The following TMEM167B variants were observed in gnomAD, a reference collection of about 807,000 sequenced individuals.
The protein encoded by TMEM167B is protein kish-B.
Under a neutral mutation model 9.4 loss-of-function variants are expected in TMEM167B, and 2 were observed. That is an observed-to-expected ratio of 0.21 (90% CI 0.09 to 0.67). TMEM167B has a LOEUF of 0.67. Ranked by LOEUF, TMEM167B falls within the 30% of genes least tolerant of loss-of-function variation. The probability of loss-of-function intolerance (pLI) is 0.82; values close to 1 mark genes in which losing one functional copy is unlikely to be tolerated. For missense variants in TMEM167B, 68 were observed against 87.6 expected (o/e 0.78, Z 0.89); for synonymous variants, 28 against 32.0 (o/e 0.87, Z 0.42).
chr1:109,093,096 T>G, intron 2 of TMEM167B, 75 bp downstream of exon 2: 1 of 1,555,046 alleles, frequency 6.4e-7, no homozygotes, highest in Non-Finnish European at 8.7e-7. Flanking sequence ...GGGAGTACAG[T>G]GAGCTGGGAT....
chr1:109,094,467 G>A lies in TMEM167B; in HGVS notation c.193G>A (p.Val65Ile). The change falls in exon 3 of 3, where the codon GTA becomes ATA. Residue 65 changes from valine to isoleucine, a missense_variant. Transcript: ENST00000338272. ...TGCTGCTGTGGCAATTGCTTGTGTT[G>A]TAATGGCCTTTTACGTCCTGTTTAT... ...LHAAVAIACV[V>I]MAFYVLFIK 6.2e-7 allele frequency: 1 copy of A among 1,614,030 alleles called. No individual in the cohort carries two copies. The highest frequency in any genetic ancestry group is 1.3e-5 in the African/African-American group (1 of 75,046).
In TMEM167B at chr1:109,094,447, C is replaced by A. The variant is rs1664521276; in HGVS notation, c.173C>A (p.Ala58Asp). Residue 58 changes from alanine to aspartate, a missense_variant, in exon 3 of 3, where the codon GCT becomes GAT. Physicochemically the swap from Ala to Asp is moderately radical, Grantham distance 126. Transcript: ENST00000338272. ...AAVIGTRLHA[A>D]VAIACVVMAF... ...GTGATTGGAACCAGGCTGCATGCTG[C>A]TGTGGCAATTGCTTGTGTTGTAATG... 1 of 1,613,998 alleles carries A rather than the reference C, an allele frequency of 6.2e-7. No homozygotes were observed. The highest frequency in any genetic ancestry group is 8.5e-7 in the Non-Finnish European group (1 of 1,180,038).
chr1:109,093,138 C>T (rs1255631939), intron 2 of TMEM167B, 117 bp downstream of exon 2: 20 of 1,401,164 alleles, frequency 1.4e-5, no homozygotes, highest in Non-Finnish European at 1.7e-5. Context: ...AAAAAAATCC[C>T]TCCGATTGGG....
At chr1:109,092,037 C>T (rs1262858217) in intron 1 of TMEM167B, among the ~76,000 whole-genome samples, 5 of 152,140 alleles carry the variant, frequency 3.3e-5, no homozygotes, top group African/African-American at 9.7e-5. Context: ...GTCATTCTTC[C>T]CCCATTTTGT....
chr1:109,091,559 T>G (rs1456927951), intron 1 of TMEM167B: 2 of 152,220 alleles, frequency 1.3e-5, no homozygotes. Flanking sequence ...TTCATGATTT[T>G]TAGTGTCAAC....
Position 109,090,786 on chromosome 1 carries a change from T to TC in TMEM167B, c.-86dup. 3 of 1,509,944 alleles carry TC rather than the reference T, an allele frequency of 2.0e-6. No individual in the cohort carries two copies. The highest frequency in any genetic ancestry group is 2.7e-6 in the Non-Finnish European group (3 of 1,108,896). The allele number at this position is 1,509,944 out of a possible 1,614,324, so 93.5% of individuals were successfully genotyped here. ...CTTCTTCCAGTCACCTCGGCCCGGA[T>TC]CGGGAAGTGTCAAGCGGGCGCTCCC... On this transcript the variant is annotated 5_prime_UTR_variant, in exon 1 of 3. Transcript: ENST00000338272.
intron 2 of TMEM167B, 54 bp downstream of exon 2, chr1:109,093,075 G>A (rs1044777273): frequency 1.2e-6 from 2 of 1,606,074 alleles, no homozygotes; most frequent in Non-Finnish European, 1.7e-6. Flanking sequence ...ACAGTGTGGA[G>A]CTACAAAGTA....
chr1:109,095,730 T>G lies in TMEM167B; in HGVS notation c.*1231T>G. 1 of 152,218 alleles carries G rather than the reference T, an allele frequency of 6.6e-6. No individual in the cohort carries two copies. The highest frequency in any genetic ancestry group is 1.9e-4 in the East Asian group (1 of 5,198). The allele number at this position is 152,218 out of a possible 1,614,324, so 9.4% of individuals were successfully genotyped here. A position where few individuals can be genotyped will look rare whatever the true frequency, so the allele number is the denominator to read the frequency against. On this transcript the variant is annotated 3_prime_UTR_variant, in exon 3 of 3. Transcript: ENST00000338272. ...ATAGGGTCCACAAATCAAATGAGGTTGTTTCCTGAAGTAGAAGAAAACAGA... is the reference window on the plus strand; with the variant it reads ...ATAGGGTCCACAAATCAAATGAGGTGGTTTCCTGAAGTAGAAGAAAACAGA...
intron 1 of TMEM167B, among the ~76,000 whole-genome samples, chr1:109,092,598 G>A (rs1363125940): frequency 6.6e-6 from 1 of 151,950 alleles, no homozygotes; most frequent in Non-Finnish European, 1.5e-5. Context: ...TTGAGTTGGG[G>A]TCTCACTCTG....
intron 1 of TMEM167B, among the ~76,000 whole-genome samples, chr1:109,092,061 CTTG>C (rs1664462465): frequency 6.6e-6 from 1 of 152,120 alleles, no homozygotes; most frequent in Admixed American, 6.5e-5. Context: ...CCAATATCTT[CTTG>C]TTTTTTGCAA....
rs1299785294 is a variant in TMEM167B, at chr1:109,096,344, A to G, written c.*1845A>G. On this transcript the variant is annotated 3_prime_UTR_variant, in exon 3 of 3. Transcript: ENST00000338272. The stretch of plus-strand genomic sequence containing the variant: ...GTGTGAGTTTGGGACCTGTTGGCAG[A>G]AGGGAATGTCACTCCCTGGAAACAG... 2.6e-5 allele frequency: 4 copies of G among 152,246 alleles called. No homozygotes were observed. The highest frequency in any genetic ancestry group is 4.8e-5 in the African/African-American group (2 of 41,478). 9.4% of individuals were successfully genotyped at this position (152,246 alleles called of 1,614,324 possible).
chr1:109,090,772 C>G lies in TMEM167B; in HGVS notation c.-101C>G, dbSNP rs902928725. 2.1e-6 allele frequency: 3 copies of G among 1,451,932 alleles called. No individual in the cohort carries two copies. The African/African-American group carries it at 4.2e-5, about 20-fold the overall frequency. The allele number at this position is 1,451,932 out of a possible 1,614,324, so 89.9% of individuals were successfully genotyped here. ...CCTGCGTACTACGGCTTCTTCCAGT[C>G]ACCTCGGCCCGGATCGGGAAGTGTC... On this transcript the variant is annotated 5_prime_UTR_variant, in exon 1 of 3. Coordinates refer to ENST00000338272, the MANE Select transcript of TMEM167B (RefSeq NM_020141.4).
rs1413135235 is a variant in TMEM167B at position 109,095,592 on chromosome 1, T to G, written c.*1093T>G. On this transcript the variant is annotated 3_prime_UTR_variant, in exon 3 of 3. Coordinates refer to ENST00000338272, the MANE Select transcript of TMEM167B (RefSeq NM_020141.4). ...TATTTTTCTTAGCCAAATTTTAATT[T>G]TCTTCATATTGCATTGCTCTTTAGT... The G allele has an allele frequency of 6.6e-6, 1 of 152,228 alleles. No individual in the cohort carries two copies. Among genetic ancestry groups the G allele is most frequent in the East Asian group, 1.9e-4 (1 of 5,200 alleles). 9.4% of individuals were successfully genotyped at this position (152,228 alleles called of 1,614,324 possible).
chr1:109,091,879 T>C (rs993110299), intron 1 of TMEM167B: 2 of 152,200 alleles, frequency 1.3e-5, no homozygotes, highest in African/African-American at 4.8e-5. Flanking sequence ...ACACTGGTTA[T>C]ATATAATATT....
At position 109,090,882 on chromosome 1, in the gene TMEM167B, G is replaced by A; in HGVS notation, c.10G>A (p.Val4Met). ...TCCAGGGCCAGCCGCCATGACGAAC[G>A]GTGAGAACTGATGCCCTGAGCGGAG... MTNVYSLDGILVFG... is the reference protein window; with the variant it reads MTNMYSLDGILVFG... Residue 4 changes from valine to methionine, a missense_variant and splice_region_variant, in exon 1 of 3, where the codon GTG becomes ATG. Val to Met is a conservative substitution (Grantham distance 21). Transcript: ENST00000338272. 1 of 1,595,050 alleles carries A rather than the reference G, an allele frequency of 6.3e-7. No individual in the cohort carries two copies. The highest frequency in any genetic ancestry group is 8.5e-7 in the Non-Finnish European group (1 of 1,170,552).
chr1:109,093,309 C>T (rs148067233), intron 2 of TMEM167B: 1 of 316,320 alleles, frequency 3.2e-6, no homozygotes, highest in Admixed American at 4.6e-5. Context: ...CCGGGCAACA[C>T]AGTGAGACCC....
rs763906963 is a variant in TMEM167B, at chr1:109,094,508, G to A, written c.*9G>A. 1.1e-5 allele frequency: 18 copies of A among 1,613,376 alleles called. No homozygotes were observed. The highest frequency in any genetic ancestry group is 5.3e-5 in the African/African-American group (4 of 74,882). ...TCCTGTTTATAAAATGAATTCCAAAGCACCCAAGTCATCAACTGCCAACCA... is the reference window on the plus strand; with the variant it reads ...TCCTGTTTATAAAATGAATTCCAAAACACCCAAGTCATCAACTGCCAACCA... On this transcript the variant is annotated 3_prime_UTR_variant, in exon 3 of 3. Transcript: ENST00000338272.
At chr1:109,093,679 T>C (rs1664505048) in intron 2 of TMEM167B, 1 of 152,102 alleles carries the variant, frequency 6.6e-6, no homozygotes, top group Non-Finnish European at 1.5e-5. Context: ...TACATTGGAG[T>C]CTGTTTTAAG....
rs994604624 is a variant in TMEM167B, at chr1:109,096,867, T to C, written c.*2368T>C. 1 of 152,220 alleles carries C rather than the reference T, an allele frequency of 6.6e-6. No homozygotes were observed. The highest frequency in any genetic ancestry group is 1.5e-5 in the Non-Finnish European group (1 of 68,044). The allele number at this position is 152,220 out of a possible 1,614,324, so 9.4% of individuals were successfully genotyped here. A position where few individuals can be genotyped will look rare whatever the true frequency, so the allele number is the denominator to read the frequency against. On this transcript the variant is annotated 3_prime_UTR_variant, in exon 3 of 3. Coordinates refer to ENST00000338272, the MANE Select transcript of TMEM167B (RefSeq NM_020141.4). ...GAATGAAGTCAGCTCCTTTTTATAG[T>C]TGAAATACAATTTTTTATTCACCAT...
Sources: gnomAD v4.1 joint callset for allele counts (sites outside exome capture counted in the v4.1 genomes callset) on GRCh38, gnomAD v4.1.1 for gene constraint, MANE v1.5 for transcripts, NCBI Gene and HGNC (gene_info 2026-07-23, HGNC 2026-07-21) for gene names.